The following SLC4A5 variants were observed in gnomAD, a reference collection of about 807,000 sequenced individuals.
SLC4A5 encodes solute carrier family 4 member 5, also known as electrogenic sodium bicarbonate cotransporter 4.
Under a neutral mutation model 120.4 loss-of-function variants are expected in SLC4A5, and 96 were observed. The ratio of observed to expected loss-of-function variants is 0.80; its 90% CI spans 0.68 to 0.94. The LOEUF (loss-of-function observed/expected upper bound fraction) is 0.94, where lower values mean the gene tolerates loss of function less well. Among genes scored for constraint, SLC4A5 ranks in the 40% least tolerant of loss-of-function variants. The probability of loss-of-function intolerance (pLI) is 0.00; values close to 1 mark genes in which losing one functional copy is unlikely to be tolerated. For missense variants in SLC4A5, 1,259 were observed against 1,459.5 expected (o/e 0.86, Z 2.24); for synonymous variants, 550 against 571.1 (o/e 0.96, Z 0.53).
exon 26 of SLC4A5, chr2:74,227,817 C>T (rs201407480): frequency 1.2e-6 from 2 of 1,608,896 alleles, no homozygotes; most frequent in Admixed American, 1.7e-5. Context: ...TACCTGGATG[C>T]CATTCAGGGA....
Position 74,285,760 on chromosome 2 carries a change from G to C in SLC4A5, c.401+13C>G. ...ACTGAAGTGCCCACCTCCCTCGTGG[G>C]GCCCCGCCTCACCTGGCTGACTCCT... On this transcript the variant is annotated intron_variant, in intron 8 of 30. Coordinates refer to ENST00000394019, the Ensembl canonical transcript of SLC4A5. 1 of 1,608,014 alleles carries C rather than the reference G, an allele frequency of 6.2e-7. No homozygotes were observed. The highest frequency in any genetic ancestry group is 8.5e-7 in the Non-Finnish European group (1 of 1,176,092).
At chr2:74,246,924 G>A in intron 19 of SLC4A5, 112 bp downstream of exon 19, 2 of 1,374,934 alleles carry the variant, frequency 1.5e-6, no homozygotes, top group Non-Finnish European at 2.0e-6. Flanking sequence ...GGAACTGTAA[G>A]CCCTTGGCTG....
At chr2:74,325,120 T>C (rs1673188529) in intron 5 of SLC4A5, among the ~76,000 whole-genome samples, 1 of 152,194 alleles carries the variant, frequency 6.6e-6, no homozygotes, top group South Asian at 2.1e-4. Flanking sequence ...CACAAGTGCC[T>C]GACTAATGAA....
chr2:74,339,852 C>A (rs1169430883), intron 2 of SLC4A5: 6 of 152,196 alleles, frequency 3.9e-5, no homozygotes, highest in Non-Finnish European at 1.5e-5. Context: ...AATCGTGATT[C>A]AGCCTTAAAA....
rs1035572448 is a variant in SLC4A5 at position 74,255,916 on chromosome 2, A to G, written c.884T>C (p.Met295Thr). The G allele has an allele frequency of 1.2e-6, 2 of 1,613,774 alleles. No homozygotes were observed. Among genetic ancestry groups the G allele is most frequent in the Non-Finnish European group, 1.7e-6 (2 of 1,179,692 alleles). Reference sequence around the variant, plus strand: ...TTCTGAGTCCTTGGGGATCTTCTTCATGAATTTGTTTTTCCGCTGGACAGG... The same window carrying G: ...TTCTGAGTCCTTGGGGATCTTCTTCGTGAATTTGTTTTTCCGCTGGACAGG... The change falls in exon 13 of 31, where the codon ATG becomes ACG. Residue 295 changes from methionine to threonine, a missense_variant. Coordinates refer to ENST00000394019, the Ensembl canonical transcript of SLC4A5. The surrounding 1 kb of genome is among the most constrained non-coding windows in gnomAD (Gnocchi z 4.0).
At chr2:74,292,065 G>A (rs1052996327) in intron 7 of SLC4A5, among the ~76,000 whole-genome samples, 4 of 152,190 alleles carry the variant, frequency 2.6e-5, no homozygotes, top group African/African-American at 9.6e-5. Context: ...AAGACATCAA[G>A]CTCCCACTGA....
chr2:74,323,719 T>C (rs940267883), intron 5 of SLC4A5, among the ~76,000 whole-genome samples: 1 of 152,232 alleles, frequency 6.6e-6, no homozygotes, highest in Non-Finnish European at 1.5e-5. Flanking sequence ...GAATAAAATG[T>C]GATCATGGCA....
intron 7 of SLC4A5, among the ~76,000 whole-genome samples, chr2:74,303,587 C>T (rs557857991): frequency 3.9e-5 from 6 of 152,266 alleles, no homozygotes; most frequent in African/African-American, 1.2e-4. Flanking sequence ...TAAGATTGAT[C>T]ATTTTCTTTC....
At chr2:74,340,749 G>T (rs1403691195) in intron 2 of SLC4A5, among the ~76,000 whole-genome samples, 4 of 152,084 alleles carry the variant, frequency 2.6e-5, no homozygotes, top group Admixed American at 2.0e-4. Flanking sequence ...AACCCTGACG[G>T]GGTTGAGGAC....
rs73948756 is a variant in SLC4A5, at chr2:74,306,121, C to T, written c.80-1441G>A. The stretch of plus-strand genomic sequence containing the variant: ...GCAGGAGCATTGCCATCTTGTTGGA[C>T]AAGCACTGCCATTCTAAAGTTCACC... On this transcript the variant is annotated intron_variant, in intron 6 of 30. Transcript: ENST00000394019. 9.3e-3 allele frequency among the ~76,000 whole-genome samples: 1,409 copies of T among 152,306 alleles called. 19 individuals carry two copies. The highest frequency in any genetic ancestry group is 0.032 in the African/African-American group (1,338 of 41,560).
At chr2:74,290,327 T>C in intron 7 of SLC4A5, 1 of 985,496 alleles carries the variant, frequency 1.0e-6, no homozygotes, top group Non-Finnish European at 1.2e-6. Flanking sequence ...GCTGCCTCCC[T>C]GGCTGCTACT....
intron 8 of SLC4A5, among the ~76,000 whole-genome samples, chr2:74,269,229 G>T (rs186445661): frequency 6.6e-6 from 1 of 151,346 alleles, no homozygotes; most frequent in African/African-American, 2.4e-5. Context: ...TTTTTGAGAC[G>T]GAGTTTCACT....
chr2:74,248,348 C>T lies in SLC4A5; in HGVS notation c.1787+5G>A. 6.2e-7 allele frequency: 1 copy of T among 1,613,840 alleles called. No individual in the cohort carries two copies. The highest frequency in any genetic ancestry group is 8.5e-7 in the Non-Finnish European group (1 of 1,179,850). On this transcript the variant is annotated splice_donor_5th_base_variant and intron_variant, in intron 18 of 30. Transcript: ENST00000394019. ...AGGCACTGGGGGCCACCAAGGGACA[C>T]CTACTTGCTGAAGTCGAAGAGGAGC...
chr2:74,337,285 G>C (rs1673516051), intron 3 of SLC4A5, among the ~76,000 whole-genome samples: 1 of 152,124 alleles, frequency 6.6e-6, no homozygotes, highest in Middle Eastern at 3.2e-3. Context: ...GGTGGAGAGA[G>C]ACTTTGACCT....
At chr2:74,247,672 G>A (rs185081319) in intron 18 of SLC4A5, among the ~76,000 whole-genome samples, 4 of 151,944 alleles carry the variant, frequency 2.6e-5, no homozygotes, top group Non-Finnish European at 5.9e-5. Flanking sequence ...CCGCCGCCAC[G>A]CCTGGCTGAT....
chr2:74,239,878 CCT>C (rs1235295195), intron 20 of SLC4A5, among the ~76,000 whole-genome samples: 1 of 152,078 alleles, frequency 6.6e-6, no homozygotes, highest in Non-Finnish European at 1.5e-5. Context: ...CCCTCCATCC[CCT>C]CTGTCACACC....
At chr2:74,289,527 G>A (rs1440819642) in intron 7 of SLC4A5, among the ~76,000 whole-genome samples, 3 of 152,090 alleles carry the variant, frequency 2.0e-5, no homozygotes, top group Non-Finnish European at 4.4e-5. Context: ...ATGTTGCCCA[G>A]GCTGGTCTCG....
rs1049175591 is a variant in SLC4A5 at position 74,265,344 on chromosome 2, G to A, written c.402-80C>T. 6 of 1,516,592 alleles carry A rather than the reference G, an allele frequency of 4.0e-6. No homozygotes were observed. In the African/African-American group the frequency reaches 6.9e-5, roughly 17 times the overall value. 93.9% of individuals were successfully genotyped at this position (1,516,592 alleles called of 1,614,324 possible). A position where few individuals can be genotyped will look rare whatever the true frequency, so the allele number is the denominator to read the frequency against. Reference sequence around the variant, plus strand: ...ACCTGGGTCTCCCCAAAAGAGGGGTGTCATGTGGGTTCATGCTATGTATGT... The same window carrying A: ...ACCTGGGTCTCCCCAAAAGAGGGGTATCATGTGGGTTCATGCTATGTATGT... On this transcript the variant is annotated intron_variant, in intron 8 of 30. Coordinates refer to ENST00000394019, the Ensembl canonical transcript of SLC4A5.
At chr2:74,267,676 T>C (rs1278512991) in intron 8 of SLC4A5, among the ~76,000 whole-genome samples, 1 of 152,218 alleles carries the variant, frequency 6.6e-6, no homozygotes, top group African/African-American at 2.4e-5. Flanking sequence ...TTTCACTTTA[T>C]TGGGGCGAAT....
Sources: gnomAD v4.1 joint callset for allele counts (sites outside exome capture counted in the v4.1 genomes callset) on GRCh38, gnomAD v4.1.1 for gene constraint, Gnocchi (gnomAD v3.1) non-coding constraint, MANE v1.5 for transcripts, NCBI Gene and HGNC (gene_info 2026-07-23, HGNC 2026-07-21) for gene names.